PTPN1: variants seen among roughly 807,000 people sequenced by gnomAD.
The protein encoded by PTPN1 is protein tyrosine phosphatase non-receptor type 1, also known as tyrosine-protein phosphatase non-receptor type 1.
Under a neutral mutation model 59.9 loss-of-function variants are expected in PTPN1, and 12 were observed. The observed-to-expected ratio is 0.20, with a 90% CI of 0.13 to 0.32. The LOEUF (loss-of-function observed/expected upper bound fraction) is 0.32, where lower values mean the gene tolerates loss of function less well. Among genes scored for constraint, PTPN1 ranks in the 10% least tolerant of loss-of-function variants. The probability of loss-of-function intolerance (pLI) is 1.00; values close to 1 mark genes in which losing one functional copy is unlikely to be tolerated. For synonymous variants in PTPN1, 178 were observed against 203.6 expected, an observed-to-expected ratio of 0.87 and a Z score of 1.07; for missense variants, 356 against 549.2, an observed-to-expected ratio of 0.65 and a Z score of 3.52.
At position 50,565,065 on chromosome 20, in the gene PTPN1, C is replaced by G; in HGVS notation, c.251C>G (p.Thr84Ser). The G allele has an allele frequency of 6.2e-7, 1 of 1,609,514 alleles. No homozygotes were observed. Among genetic ancestry groups the G allele is most frequent in the Non-Finnish European group, 8.5e-7 (1 of 1,178,610 alleles). The change falls in exon 3 of 10, where the codon ACC (threonine) becomes AGC (serine). Residue 84 changes from threonine to serine, a missense_variant. Thr to Ser is a moderately conservative substitution (Grantham distance 58). Coordinates refer to ENST00000371621, the MANE Select transcript of PTPN1 (RefSeq NM_002827.4). ...GAAGCCCAAAGGAGTTACATTCTTA[C>G]CCAGGTAAGCAGATTGTCTGAATTT... is the stretch of plus-strand genomic sequence containing the variant. ...MEEAQRSYIL[T>S]QGPLPNTCGH...
chr20:50,578,673 C>T (rs768986889), intron 6 of PTPN1, 44 bp downstream of exon 6: 3 of 1,515,836 alleles, frequency 2.0e-6, no homozygotes. Context: ...CCTCTACCTG[C>T]TCTGCTGTGA....
At chr20:50,532,765 T>C (rs1378402024) in intron 1 of PTPN1, among the ~76,000 whole-genome samples, 2 of 152,108 alleles carry the variant, frequency 1.3e-5, no homozygotes, top group Non-Finnish European at 2.9e-5. Flanking sequence ...TGTTCATAGA[T>C]CCCTTTTCCT....
At chr20:50,548,892 G>A (rs1601401571) in intron 1 of PTPN1, among the ~76,000 whole-genome samples, 1 of 152,018 alleles carries the variant, frequency 6.6e-6, no homozygotes, top group Non-Finnish European at 1.5e-5. Flanking sequence ...TAATTTTTGT[G>A]TTTTTAGTAC....
chr20:50,575,384 TCC>T (rs2082831358), intron 5 of PTPN1, among the ~76,000 whole-genome samples: 1 of 152,190 alleles, frequency 6.6e-6, no homozygotes, highest in South Asian at 2.1e-4. Flanking sequence ...TCACAGTGTC[TCC>T]GTTTCCTCTT....
chr20:50,550,539 T>C (rs560598529), intron 1 of PTPN1, among the ~76,000 whole-genome samples: 1 of 152,400 alleles, frequency 6.6e-6, no homozygotes, highest in South Asian at 2.1e-4. Flanking sequence ...ATTTCCATTT[T>C]GTAACAAGTA....
At chr20:50,558,950 G>A (rs1213935332) in intron 1 of PTPN1, among the ~76,000 whole-genome samples, 20 of 151,820 alleles carry the variant, frequency 1.3e-4, no homozygotes, top group Non-Finnish European at 2.9e-5. Context: ...CATCACTCAG[G>A]TGGAAAAGAT....
chr20:50,556,037 T>G (rs1601404814), intron 1 of PTPN1, among the ~76,000 whole-genome samples: 1 of 152,094 alleles, frequency 6.6e-6, no homozygotes, highest in Non-Finnish European at 1.5e-5. Context: ...TTCAGGTCTT[T>G]TTTTTTTTTT....
rs62204804 is a variant in PTPN1, at chr20:50,529,051, G to A, written c.63+18461G>A. ...GGTGCCTTGCATGGAATTGGACTTC[G>A]TTTCAGTGGATCTGATCCCAGTTAT... On this transcript the variant is annotated intron_variant, in intron 1 of 9. Transcript: ENST00000371621. Among the ~76,000 whole-genome samples the A allele has an allele frequency of 5.7e-3, 866 of 152,222 alleles. 1 individual carries two copies. The highest frequency in any genetic ancestry group is 8.1e-3 in the Non-Finnish European group (552 of 68,016).
At chr20:50,572,702 A>G (rs563713948) in intron 4 of PTPN1, 17 of 152,252 alleles carry the variant, frequency 1.1e-4, no homozygotes, top group African/African-American at 4.1e-4. Context: ...CTGTCAGATC[A>G]GTCTCTTGTT....
intron 4 of PTPN1, among the ~76,000 whole-genome samples, chr20:50,569,745 G>T (rs2082798454): frequency 6.6e-6 from 1 of 152,148 alleles, no homozygotes; most frequent in African/African-American, 2.4e-5. Flanking sequence ...AGACTGTCCT[G>T]TGTAGACTGT....
In PTPN1 at chr20:50,574,881, C is replaced by T. The variant is rs562088133; in HGVS notation, c.492+227C>T. 10 of 484,470 alleles carry T rather than the reference C, an allele frequency of 2.1e-5. No homozygotes were observed. The East Asian group carries it at 3.9e-4, about 19-fold the overall frequency. The allele number at this position is 484,470 out of a possible 1,614,324, so 30.0% of individuals were successfully genotyped here. ...TCTGACCTTTAACAACAGTTAACAC[C>T]AGTTCTTAGGGAAAGGAGAGTTTCT... is the stretch of plus-strand genomic sequence containing the variant. On this transcript the variant is annotated intron_variant, in intron 5 of 9. Coordinates refer to ENST00000371621, the MANE Select transcript of PTPN1 (RefSeq NM_002827.4).
intron 4 of PTPN1, among the ~76,000 whole-genome samples, chr20:50,570,390 A>G (rs1009972938): frequency 6.6e-6 from 1 of 152,250 alleles, no homozygotes; most frequent in African/African-American, 2.4e-5. Context: ...CAACAATAAC[A>G]GACAGGGAGC....
At chr20:50,541,539 A>G (rs907578581) in intron 1 of PTPN1, among the ~76,000 whole-genome samples, 3 of 152,110 alleles carry the variant, frequency 2.0e-5, no homozygotes, top group African/African-American at 7.2e-5. Context: ...TAACAGTTGT[A>G]CATGTGTCCC....
intron 1 of PTPN1, among the ~76,000 whole-genome samples, chr20:50,532,465 T>C (rs2082605701): frequency 2.0e-5 from 3 of 152,210 alleles, no homozygotes; most frequent in Admixed American, 2.0e-4. Context: ...AAATGTGTCA[T>C]GCTTGAAAAG....
intron 1 of PTPN1, among the ~76,000 whole-genome samples, chr20:50,552,790 C>A (rs1473663913): frequency 6.6e-6 from 1 of 151,928 alleles, no homozygotes; most frequent in East Asian, 1.9e-4. Flanking sequence ...CCACTTTGCC[C>A]CTCACTCCCA....
At chr20:50,553,450 A>G (rs569969864) in intron 1 of PTPN1, among the ~76,000 whole-genome samples, 1 of 152,194 alleles carries the variant, frequency 6.6e-6, no homozygotes, top group African/African-American at 2.4e-5. Context: ...GGCTGGATAC[A>G]GTGTACACTT....
intron 9 of PTPN1, among the ~76,000 whole-genome samples, 183 bp downstream of exon 9, chr20:50,581,643 G>A (rs1449885679): frequency 6.6e-6 from 1 of 152,186 alleles, no homozygotes; most frequent in East Asian, 1.9e-4. Flanking sequence ...CGATGCACTG[G>A]GGTTTTAAGG....
intron 1 of PTPN1, among the ~76,000 whole-genome samples, chr20:50,529,486 T>C (rs1164493982): frequency 6.6e-6 from 1 of 152,258 alleles, no homozygotes. Context: ...TAATTTGTCT[T>C]TAAACTTTTA....
chr20:50,577,623 G>A (rs2122801188), intron 5 of PTPN1: 1 of 152,420 alleles, frequency 6.6e-6, no homozygotes, highest in East Asian at 1.9e-4. Flanking sequence ...GGAAACAGAC[G>A]CCAGGCCATT....
Sources: gnomAD v4.1 joint callset for allele counts (sites outside exome capture counted in the v4.1 genomes callset) on GRCh38, gnomAD v4.1.1 for gene constraint, MANE v1.5 for transcripts, NCBI Gene and HGNC (gene_info 2026-07-23, HGNC 2026-07-21) for gene names.